Variants in MTUS2 observed in about 807,000 individuals in gnomAD.
The protein encoded by MTUS2 is microtubule associated scaffold protein 2.
Under a neutral mutation model 114.1 loss-of-function variants are expected in MTUS2, and 40 were observed. The observed-to-expected ratio is 0.35, with a 90% confidence interval of 0.27 to 0.46. The LOEUF is 0.46. Ranked by LOEUF, MTUS2 falls within the 20% of genes least tolerant of loss-of-function variation. The pLI is 1.00. For synonymous variants in MTUS2, 688 were observed against 672.0 expected, an observed-to-expected ratio of 1.02 and a Z score of -0.37; for missense variants, 1,679 against 1,705.4, an observed-to-expected ratio of 0.98 and a Z score of 0.27.
chr13:28,985,098 C>G (rs1302491965), intron 2 of MTUS2, among the ~76,000 whole-genome samples: 3 of 152,192 alleles, frequency 2.0e-5, no homozygotes, highest in Non-Finnish European at 4.4e-5. Context: ...AGAGCTGATT[C>G]ATGTGTCAAC....
chr13:29,201,146 G>A (rs1258825823), intron 5 of MTUS2, among the ~76,000 whole-genome samples: 2 of 152,132 alleles, frequency 1.3e-5, no homozygotes, highest in Non-Finnish European at 2.9e-5. Context: ...GGGAGTCTAA[G>A]TTTCTTTGTA....
intron 2 of MTUS2, among the ~76,000 whole-genome samples, chr13:28,952,203 A>G (rs945724693): frequency 4.6e-5 from 7 of 152,234 alleles, no homozygotes; most frequent in Admixed American, 4.6e-4. Flanking sequence ...AAAGATACGT[A>G]GGTAAAATTA....
intron 2 of MTUS2, among the ~76,000 whole-genome samples, chr13:28,881,210 A>G (rs1331724630): frequency 1.3e-5 from 2 of 152,212 alleles, no homozygotes; most frequent in Non-Finnish European, 2.9e-5. Flanking sequence ...CCCACTTGTA[A>G]GTGAGAACAT....
chr13:29,204,005 G>C (rs1895076464), intron 5 of MTUS2, among the ~76,000 whole-genome samples: 1 of 151,834 alleles, frequency 6.6e-6, no homozygotes, highest in Admixed American at 6.6e-5. Flanking sequence ...GGTCACCCAG[G>C]CTGGAGTGCA....
intron 7 of MTUS2, among the ~76,000 whole-genome samples, chr13:29,357,547 T>C (rs984386508): frequency 6.6e-6 from 1 of 152,238 alleles, no homozygotes. Context: ...GGTCTTAGGC[T>C]GTGTCTTAGA....
intron 4 of MTUS2, among the ~76,000 whole-genome samples, chr13:29,070,571 G>A (rs1328334159): frequency 6.6e-6 from 1 of 151,716 alleles, no homozygotes; most frequent in Non-Finnish European, 1.5e-5. Flanking sequence ...CATCCCTGGT[G>A]TTTTAAAACT....
chr13:29,451,679 G>A (rs1878693583), intron 9 of MTUS2, among the ~76,000 whole-genome samples: 1 of 151,984 alleles, frequency 6.6e-6, no homozygotes, highest in Admixed American at 6.6e-5. Context: ...CCGCCTCCTG[G>A]ATTCAAGCAA....
intron 6 of MTUS2, among the ~76,000 whole-genome samples, chr13:29,306,584 G>T (rs115863328): frequency 6.6e-6 from 1 of 152,148 alleles, no homozygotes; most frequent in Admixed American, 6.5e-5. Flanking sequence ...CCAACAAGGC[G>T]AATGAAGGAC....
rs1886524332 is a variant in MTUS2, at chr13:29,026,042, G to A, written c.1344G>A (p.Lys448=). The stretch of plus-strand genomic sequence containing the variant: ...TTCCTAATAATCTGACTGACAGCAA[G>A]CCCTTGGATGTCATTGAGGAGGAAA... The part of the protein sequence containing the change: ...AFIPNNLTDS[K]PLDVIEEERR... Residue 448 remains lysine, a synonymous_variant, in exon 3 of 16, where the codon AAG becomes AAA. Transcript: ENST00000612955. 6.2e-7 allele frequency: 1 copy of A among 1,613,894 alleles called. No homozygotes were observed. Among genetic ancestry groups the A allele is most frequent in the Non-Finnish European group, 8.5e-7 (1 of 1,179,900 alleles).
chr13:28,856,164 A>G (rs1876614503), intron 2 of MTUS2, among the ~76,000 whole-genome samples: 1 of 152,234 alleles, frequency 6.6e-6, no homozygotes, highest in Non-Finnish European at 1.5e-5. Flanking sequence ...AGGAAAAAGT[A>G]CAAATAGAAT....
intron 8 of MTUS2, among the ~76,000 whole-genome samples, chr13:29,370,849 C>A (rs1201717512): frequency 6.6e-6 from 1 of 152,172 alleles, no homozygotes; most frequent in Non-Finnish European, 1.5e-5. Flanking sequence ...ATACACCATG[C>A]TAACACTAAT....
chr13:29,025,754 A>T lies in MTUS2; in HGVS notation c.1056A>T (p.Ala352=). The T allele has an allele frequency of 6.2e-7, 1 of 1,613,974 alleles. No homozygotes were observed. Among genetic ancestry groups the T allele is most frequent in the Non-Finnish European group, 8.5e-7 (1 of 1,179,878 alleles). ...ALEGRDPCGE[A]HPEATDALGH... is the part of the protein sequence containing the mutation. ...AGGGAAGGGATCCATGTGGGGAAGC[A>T]CACCCGGAAGCCACCGATGCACTTG... Residue 352 remains alanine (A), a synonymous_variant, in exon 3 of 16, where the codon GCA becomes GCT. Coordinates refer to ENST00000612955, the MANE Select transcript of MTUS2 (RefSeq NM_001033602.4).
At chr13:29,243,313 G>A (rs1416049280) in intron 5 of MTUS2, among the ~76,000 whole-genome samples, 3 of 152,150 alleles carry the variant, frequency 2.0e-5, no homozygotes, top group Non-Finnish European at 2.9e-5. Context: ...AAACATCGGG[G>A]ATATGGGAGG....
chr13:28,989,002 C>G (rs1028469775), intron 2 of MTUS2, among the ~76,000 whole-genome samples: 2 of 152,208 alleles, frequency 1.3e-5, no homozygotes, highest in Admixed American at 1.3e-4. Flanking sequence ...TGTAAACCAG[C>G]TTGGCTGCAC....
At chr13:29,312,272 G>A (rs530965828) in intron 6 of MTUS2, among the ~76,000 whole-genome samples, 1 of 152,264 alleles carries the variant, frequency 6.6e-6, no homozygotes, top group Non-Finnish European at 1.5e-5. Flanking sequence ...CTAGAGCTGA[G>A]GATTCTGTCT....
At chr13:29,348,679 A>G (rs1230908903) in intron 7 of MTUS2, among the ~76,000 whole-genome samples, 1 of 152,214 alleles carries the variant, frequency 6.6e-6, no homozygotes, top group African/African-American at 2.4e-5. Context: ...GTAATTGCAG[A>G]CTTGTCTGTT....
At chr13:29,404,926 A>G (rs948283172) in intron 8 of MTUS2, among the ~76,000 whole-genome samples, 1 of 152,220 alleles carries the variant, frequency 6.6e-6, no homozygotes, top group Non-Finnish European at 1.5e-5. Context: ...GGATCCTCAC[A>G]TCACTGTAAA....
intron 8 of MTUS2, among the ~76,000 whole-genome samples, chr13:29,372,709 A>G (rs34702195): frequency 0.2 from 30,974 of 152,120 alleles, 3,259 homozygotes; most frequent in Middle Eastern, 0.25. Context: ...TCTTTATATG[A>G]TCTGGATTTT....
At chr13:28,855,102 C>T (rs992245030) in intron 2 of MTUS2, among the ~76,000 whole-genome samples, 2 of 152,188 alleles carry the variant, frequency 1.3e-5, no homozygotes, top group Admixed American at 1.3e-4. Context: ...AAAGTAGACT[C>T]ATTCTTTTTT....
Sources: gnomAD v4.1 joint callset for allele counts (sites outside exome capture counted in the v4.1 genomes callset) on GRCh38, gnomAD v4.1.1 for gene constraint, MANE v1.5 for transcripts, NCBI Gene and HGNC (gene_info 2026-07-23, HGNC 2026-07-21) for gene names.